SPNS3: variants seen among roughly 807,000 people sequenced by gnomAD.
The protein encoded by SPNS3 is protein spinster homolog 3.
SPNS3 carries 51 observed loss-of-function variants against 54.4 expected under a neutral mutation model. The ratio of observed to expected loss-of-function variants is 0.94; its 90% CI spans 0.75 to 1.18. The LOEUF is 1.18. Ranked by LOEUF, SPNS3 falls within the 50% of genes most tolerant of loss-of-function variation. SPNS3 has a pLI of 0.00. For missense variants in SPNS3, 669 were observed against 677.4 expected (o/e 0.99, Z 0.14); for synonymous variants, 309 against 294.7 (o/e 1.05, Z -0.50).
intron 2 of SPNS3, 161 bp from the exon 3 acceptor site, chr17:4,444,871 C>A: frequency 2.3e-6 from 2 of 852,232 alleles, no homozygotes; most frequent in Non-Finnish European, 3.7e-6. Flanking sequence ...GTTGGCCACG[C>A]ACTGTGAGGT....
At chr17:4,454,339 A>T (rs1971246452) in intron 8 of SPNS3, among the ~76,000 whole-genome samples, 1 of 152,256 alleles carries the variant, frequency 6.6e-6, no homozygotes. Flanking sequence ...CCCAGCCACA[A>T]GCAGAGGGGC....
rs201414122 is a variant in SPNS3 at position 4,446,875 on chromosome 17, G to C, written c.555-21G>C. ...CGCCTCCCTCCCCTCACAGCCCATC[G>C]CCCCTGCCCCTTTGTTGCAGTGGTC... On this transcript the variant is annotated intron_variant, in intron 4 of 11. Transcript: ENST00000355530. 6 of 1,612,624 alleles carry C rather than the reference G, an allele frequency of 3.7e-6. No homozygotes were observed. In the Admixed American group the frequency reaches 1.0e-4, roughly 27 times the overall value.
At chr17:4,446,349 C>G (rs1567556000) in intron 4 of SPNS3, 150 bp downstream of exon 4, 1 of 822,830 alleles carries the variant, frequency 1.2e-6, no homozygotes, top group Non-Finnish European at 1.9e-6. Flanking sequence ...GTGAGTCTAC[C>G]TCTCCTAGCC....
chr17:4,475,540 G>T lies in SPNS3; in HGVS notation c.1114-3032G>T, dbSNP rs536958086. ...AACCCCAGCGTCTGGCCTGGGTGAT[G>T]GGGAGCAGGTGCTATTCCTGAGCCA... On this transcript the variant is annotated intron_variant, in intron 8 of 11. Transcript: ENST00000355530. 7.4e-4 allele frequency among the ~76,000 whole-genome samples: 112 copies of T among 152,362 alleles called. 2 individuals carry two copies. The South Asian group carries it at 0.023, about 31-fold the overall frequency.
At chr17:4,448,856 C>A (rs1234536008) in intron 6 of SPNS3, among the ~76,000 whole-genome samples, 2 of 152,170 alleles carry the variant, frequency 1.3e-5, no homozygotes, top group Non-Finnish European at 2.9e-5. Context: ...GAAGACAGGG[C>A]AGGCAGGGAC....
Position 4,483,204 on chromosome 17 carries a change from C to T in SPNS3, c.1180-3024C>T, listed in dbSNP as rs1351035308. ...GCAGGCTGCCTGGTGGCTGCTGCTC[C>T]GACTTGCTGCAAGCCCTTGGGTGGC... On this transcript the variant is annotated intron_variant, in intron 9 of 11. Transcript: ENST00000355530. The surrounding 1 kb of genome is among the most constrained non-coding windows in gnomAD (Gnocchi z 4.2). Among the ~76,000 whole-genome samples the T allele has an allele frequency of 8.5e-5, 13 of 152,170 alleles. No individual in the cohort carries two copies. Among genetic ancestry groups the T allele is most frequent in the Non-Finnish European group, 1.3e-4 (9 of 68,018 alleles).
intron 1 of SPNS3, among the ~76,000 whole-genome samples, chr17:4,436,040 C>T (rs1970711354): frequency 6.6e-6 from 1 of 152,200 alleles, no homozygotes; most frequent in African/African-American, 2.4e-5. Flanking sequence ...GGCAGGACCC[C>T]CTGCTGGCTG....
intron 2 of SPNS3, among the ~76,000 whole-genome samples, chr17:4,443,238 CTTCTGTAT>C (rs1567554281): frequency 6.6e-6 from 1 of 151,980 alleles, no homozygotes; most frequent in African/African-American, 2.4e-5. Context: ...GCTCAGCTAA[CTTCTGTAT>C]TTTTAGTAGA....
At chr17:4,444,774 T>C (rs1016697065) in intron 2 of SPNS3, among the ~76,000 whole-genome samples, 1 of 152,140 alleles carries the variant, frequency 6.6e-6, no homozygotes, top group African/African-American at 2.4e-5. Context: ...CTCTCCAGTG[T>C]TGGGGTGACA....
chr17:4,449,329 C>T lies in SPNS3; in HGVS notation c.865C>T (p.Arg289Cys), dbSNP rs750191471. ...FWAPKFLLEA[R>C]VVHGLQPPCF... ...GGCCCCCAAGTTTCTGCTCGAGGCA[C>T]GCGTGGTTCACGGGCTGCAGCCTCC... is the stretch of plus-strand genomic sequence containing the variant. The change falls in exon 7 of 12, where the codon CGC becomes TGC. Residue 289 changes from arginine to cysteine, a missense_variant. By Grantham distance (180) the Arg-to-Cys change is radical. Transcript: ENST00000355530. 55 of 1,611,492 alleles carry T rather than the reference C, an allele frequency of 3.4e-5. No homozygotes were observed. The highest frequency in any genetic ancestry group is 1.6e-4 in the Middle Eastern group (1 of 6,074).
At chr17:4,465,748 C>CT (rs1344755896) in intron 8 of SPNS3, among the ~76,000 whole-genome samples, 2 of 152,142 alleles carry the variant, frequency 1.3e-5, no homozygotes, top group African/African-American at 2.4e-5. Flanking sequence ...GAAATGGACT[C>CT]TATCTTTTGA....
intron 7 of SPNS3, among the ~76,000 whole-genome samples, chr17:4,450,642 G>A (rs1971138292): frequency 6.6e-6 from 1 of 151,662 alleles, no homozygotes; most frequent in African/African-American, 2.4e-5. Flanking sequence ...CGTTGCCCAG[G>A]CTGGAGTGCA....
intron 1 of SPNS3, among the ~76,000 whole-genome samples, chr17:4,435,077 T>C (rs1458691339): frequency 3.3e-5 from 5 of 152,082 alleles, no homozygotes; most frequent in African/African-American, 9.6e-5. Flanking sequence ...GTTGGGATTA[T>C]AGGCATGAGC....
intron 2 of SPNS3, 34 bp downstream of exon 2, chr17:4,439,757 C>T: frequency 6.3e-7 from 1 of 1,588,816 alleles, no homozygotes; most frequent in South Asian, 1.1e-5. Context: ...AGCCGGGGCC[C>T]TGGGTTCATG....
At position 4,486,349 on chromosome 17, in the gene SPNS3, G is replaced by A. The variant is rs748490625; in HGVS notation, c.1278+23G>A. The A allele has an allele frequency of 1.2e-6, 2 of 1,600,194 alleles. No homozygotes were observed. The highest frequency in any genetic ancestry group is 1.7e-6 in the Non-Finnish European group (2 of 1,173,928). On this transcript the variant is annotated intron_variant, in intron 10 of 11. Coordinates refer to ENST00000355530, the MANE Select transcript of SPNS3 (RefSeq NM_182538.5). The surrounding 1 kb of genome is among the most constrained non-coding windows in gnomAD (Gnocchi z 5.5). ...CTTGTAAGACGTGTCTGCGTGTGTGGGGTGGGGAGGGTCTGGGGGCCAGGC... is the reference window on the plus strand; with the variant it reads ...CTTGTAAGACGTGTCTGCGTGTGTGAGGTGGGGAGGGTCTGGGGGCCAGGC...
intron 8 of SPNS3, among the ~76,000 whole-genome samples, chr17:4,462,760 TCCATCC>T (rs1567566688): frequency 4.0e-4 from 28 of 69,876 alleles, no homozygotes; most frequent in African/African-American, 7.7e-4. Flanking sequence ...CACCAATCCA[TCCATCC>T]ATCCATCCAT....
At chr17:4,463,304 G>A (rs1971587299) in intron 8 of SPNS3, among the ~76,000 whole-genome samples, 1 of 151,470 alleles carries the variant, frequency 6.6e-6, no homozygotes, top group South Asian at 2.1e-4. Flanking sequence ...GGCTGAGGCA[G>A]GAGAATCACT....
rs1971501502 is a variant in SPNS3 at position 4,461,372 on chromosome 17, T to TTTTTTTC, written c.1113+8173_1113+8174insCTTTTTT. ...TTTTCTTTTCTTTTCTTTTTTTTTTTTTTTTTTTTTTTTTTGAGACAGGGT... is the reference window on the plus strand; with the variant it reads ...TTTTCTTTTCTTTTCTTTTTTTTTTTTTTTTTCTTTTTTTTTTTTTTTGAGACAGGGT... On this transcript the variant is annotated intron_variant, in intron 8 of 11. Transcript: ENST00000355530. Among the ~76,000 whole-genome samples the TTTTTTTC allele has an allele frequency of 4.5e-5, 6 of 133,298 alleles. No individual in the cohort carries two copies. In the South Asian group the frequency reaches 1.3e-3, roughly 29 times the overall value. 87.4% of individuals were successfully genotyped at this position (133,298 alleles called of 152,430 possible). A position where few individuals can be genotyped will look rare whatever the true frequency, so the allele number is the denominator to read the frequency against.
At chr17:4,444,828 T>C (rs1265979787) in intron 2 of SPNS3, 12 of 615,662 alleles carry the variant, frequency 1.9e-5, no homozygotes, top group Middle Eastern at 9.7e-4. Flanking sequence ...TGGGGCCAGA[T>C]TGAGGCCTCC....
Sources: gnomAD v4.1 joint callset for allele counts (sites outside exome capture counted in the v4.1 genomes callset) on GRCh38, gnomAD v4.1.1 for gene constraint, Gnocchi (gnomAD v3.1) non-coding constraint, MANE v1.5 for transcripts, NCBI Gene and HGNC (gene_info 2026-07-23, HGNC 2026-07-21) for gene names.